The following DTX3 variants were observed in gnomAD, a reference collection of about 807,000 sequenced individuals.
DTX3 encodes the protein deltex E3 ubiquitin ligase 3, also known as E3 ubiquitin-protein ligase DTX3.
A neutral mutation model predicts 27.4 loss-of-function variants in DTX3; 10 were observed. That is an observed-to-expected ratio of 0.36 (90% CI 0.22 to 0.62). The LOEUF is 0.62. DTX3 is among the 20% of genes least tolerant of loss of function. The pLI, the probability that DTX3 is intolerant of heterozygous loss-of-function variation, is 0.68. For missense variants in DTX3, 319 were observed against 463.8 expected, an observed-to-expected ratio of 0.69 and a Z score of 2.87; for synonymous variants, 171 against 190.7, an observed-to-expected ratio of 0.90 and a Z score of 0.85.
rs1883822615 is a variant in DTX3 at position 57,608,044 on chromosome 12, C to A, written c.750+431C>A. Among the ~76,000 whole-genome samples the A allele has an allele frequency of 6.6e-6, 1 of 152,138 alleles. No individual in the cohort carries two copies. The highest frequency in any genetic ancestry group is 2.4e-5 in the African/African-American group (1 of 41,420). On this transcript the variant is annotated intron_variant, in intron 5 of 6. Coordinates refer to ENST00000337737, the MANE Select transcript of DTX3 (RefSeq NM_178502.4). This position sits in a 1 kb window ranked among gnomAD's most constrained non-coding sequence, Gnocchi z 6.1. The stretch of plus-strand genomic sequence containing the variant: ...AGTAGTCAAGGCCTATAGGTGTCTT[C>A]CTGCTGGACAAAGAGTAATGTGCAA...
At position 57,607,361 on chromosome 12, in the gene DTX3, C is replaced by G; in HGVS notation, c.498C>G (p.Ile166Met). The G allele has an allele frequency of 1.2e-6, 2 of 1,612,516 alleles. No homozygotes were observed. The highest frequency in any genetic ancestry group is 1.7e-6 in the Non-Finnish European group (2 of 1,179,248). ...AAGAGCAGGAGAGCACCTGCCCCATCTGTCTGGGGGAGATCCAGAATGCCA... is the reference window on the plus strand; with the variant it reads ...AAGAGCAGGAGAGCACCTGCCCCATGTGTCTGGGGGAGATCCAGAATGCCA... Reference protein sequence around the residue: ...EAEEQESTCPICLGEIQNAKT... With the variant: ...EAEEQESTCPMCLGEIQNAKT... Residue 166 changes from isoleucine (I) to methionine (M), a missense_variant, in exon 5 of 7, where the codon ATC becomes ATG. This residue lies in a region of DTX3 where 117 missense variants were observed against 258.5 expected (regional missense o/e 0.45). Transcript: ENST00000337737. This position sits in a 1 kb window ranked among gnomAD's most constrained non-coding sequence, Gnocchi z 7.7.
rs771121702 is a variant in DTX3, at chr12:57,608,593, G to T, written c.824G>T (p.Gly275Val). 1 of 1,614,128 alleles carries T rather than the reference G, an allele frequency of 6.2e-7. No homozygotes were observed. Among genetic ancestry groups the T allele is most frequent in the Non-Finnish European group, 8.5e-7 (1 of 1,179,988 alleles). The change falls in exon 6 of 7, where the codon GGC becomes GTC. Residue 275 changes from glycine (G) to valine (V), a missense_variant. Gly to Val is a moderately radical substitution (Grantham distance 109). Around this residue, in one of 2 missense-constraint regions of DTX3, gnomAD observed 117 missense variants for 258.5 expected, o/e 0.45. Coordinates refer to ENST00000337737, the MANE Select transcript of DTX3 (RefSeq NM_178502.4). This position sits in a 1 kb window ranked among gnomAD's most constrained non-coding sequence, Gnocchi z 6.1. ...RVAYLPDCPEGNKVLTLFRKA... is the reference protein window; with the variant it reads ...RVAYLPDCPEVNKVLTLFRKA... Reference sequence around the variant, plus strand: ...GCCTACCTCCCGGACTGCCCTGAGGGCAACAAGGTGCTGACCCTGTTCCGC... The same window carrying T: ...GCCTACCTCCCGGACTGCCCTGAGGTCAACAAGGTGCTGACCCTGTTCCGC...
Position 57,609,286 on chromosome 12 carries a change from G to C in DTX3, c.*134G>C, listed in dbSNP as rs1206464346. 1 of 773,284 alleles carries C rather than the reference G, an allele frequency of 1.3e-6. No homozygotes were observed. Among genetic ancestry groups the C allele is most frequent in the African/African-American group, 1.7e-5 (1 of 57,986 alleles). The allele number at this position is 773,284 out of a possible 1,614,324, so 47.9% of individuals were successfully genotyped here. A position where few individuals can be genotyped will look rare whatever the true frequency, so the allele number is the denominator to read the frequency against. ...TGTCTGACTGGGAAGGGAGTTCCGAGAGGGAGGGGGCAATCCCTTCCCCCA... is the reference window on the plus strand; with the variant it reads ...TGTCTGACTGGGAAGGGAGTTCCGACAGGGAGGGGGCAATCCCTTCCCCCA... On this transcript the variant is annotated 3_prime_UTR_variant, in exon 7 of 7. Transcript: ENST00000337737.
chr12:57,608,872 T>G lies in DTX3; in HGVS notation c.968+135T>G, dbSNP rs1324815720. On this transcript the variant is annotated intron_variant, in intron 6 of 6. Transcript: ENST00000337737. This position sits in a 1 kb window ranked among gnomAD's most constrained non-coding sequence, Gnocchi z 6.1. The stretch of plus-strand genomic sequence containing the variant: ...TTCCAAACTGTTCAGCCATCTCAGT[T>G]TCTCCTACATTCAACCTGGTCCTGG... 4 of 1,173,478 alleles carry G rather than the reference T, an allele frequency of 3.4e-6. No homozygotes were observed. Among genetic ancestry groups the G allele is most frequent in the Non-Finnish European group, 5.0e-6 (4 of 805,602 alleles). 72.7% of individuals were successfully genotyped at this position (1,173,478 alleles called of 1,614,324 possible).
In DTX3 at chr12:57,606,627, G is replaced by T. The variant is rs894058351; in HGVS notation, c.1+109G>T. 3.4e-6 allele frequency: 5 copies of T among 1,481,640 alleles called. No individual in the cohort carries two copies. The African/African-American group carries it at 5.6e-5, about 17-fold the overall frequency. The allele number at this position is 1,481,640 out of a possible 1,614,324, so 91.8% of individuals were successfully genotyped here. A position where few individuals can be genotyped will look rare whatever the true frequency, so the allele number is the denominator to read the frequency against. On this transcript the variant is annotated intron_variant, in intron 4 of 6. Coordinates refer to ENST00000337737, the MANE Select transcript of DTX3 (RefSeq NM_178502.4). ...CTATGATCTGGGAGAAATGACAGGA[G>T]AAACAAGACTGATACTTGGCTTAGA... is the stretch of plus-strand genomic sequence containing the variant.
rs1883776813 is a variant in DTX3, at chr12:57,607,280, C to G, written c.417C>G (p.Pro139=). 8.9e-6 allele frequency: 14 copies of G among 1,567,308 alleles called. No individual in the cohort carries two copies. Among genetic ancestry groups the G allele is most frequent in the African/African-American group, 1.4e-5 (1 of 73,742 alleles). Residue 139 remains proline (P), a synonymous_variant, in exon 5 of 7, where the codon CCC becomes CCG. Coordinates refer to ENST00000337737, the MANE Select transcript of DTX3 (RefSeq NM_178502.4). This position sits in a 1 kb window ranked among gnomAD's most constrained non-coding sequence, Gnocchi z 7.7. ...PLLPPGARGL[P]PPPPPLPPPL... is the part of the protein sequence containing the mutation. ...TGCCCCCAGGAGCTCGGGGGCTCCC[C>G]CCTCCTCCTCCCCCCCTGCCCCCAC...
rs772990959 is a variant in DTX3, at chr12:57,607,032, A to C, written c.169A>C (p.Ile57Leu). The stretch of plus-strand genomic sequence containing the variant: ...CCTCATAGATGGCGAGACTTCTGAC[A>C]TCTATGTTCTCCAGCTTTCCCCACA... Reference protein sequence around the residue: ...SILIDGETSDIYVLQLSPQGP... With the variant: ...SILIDGETSDLYVLQLSPQGP... The change falls in exon 5 of 7, where the codon ATC becomes CTC. Residue 57 changes from isoleucine (I) to leucine (L), a missense_variant. By Grantham distance (5) the Ile-to-Leu change is conservative (BLOSUM62 2). Around this residue, in one of 2 missense-constraint regions of DTX3, gnomAD observed 202 missense variants for 205.3 expected, o/e 0.98. Transcript: ENST00000337737. This position sits in a 1 kb window ranked among gnomAD's most constrained non-coding sequence, Gnocchi z 7.7. 1 of 1,614,170 alleles carries C rather than the reference A, an allele frequency of 6.2e-7. No individual in the cohort carries two copies. Among genetic ancestry groups the C allele is most frequent in the South Asian group, 1.1e-5 (1 of 91,084 alleles).
At position 57,607,727 on chromosome 12, in the gene DTX3, C is replaced by T; in HGVS notation, c.750+114C>T. 7.1e-7 allele frequency: 1 copy of T among 1,400,156 alleles called. No homozygotes were observed. The highest frequency in any genetic ancestry group is 9.9e-7 in the Non-Finnish European group (1 of 1,005,046). 86.7% of individuals were successfully genotyped at this position (1,400,156 alleles called of 1,614,324 possible). ...TGTGAGACAGTCTTGCTGTCTTCCA[C>T]TGTGCCCTCCTACTCAGTGCCCTGG... is the stretch of plus-strand genomic sequence containing the variant. On this transcript the variant is annotated intron_variant, in intron 5 of 6. Coordinates refer to ENST00000337737, the MANE Select transcript of DTX3 (RefSeq NM_178502.4). The surrounding 1 kb of genome is among the most constrained non-coding windows in gnomAD (Gnocchi z 7.7).
In DTX3 at chr12:57,606,959, G is replaced by C. The variant is rs375320539; in HGVS notation, c.96G>C (p.Glu32Asp). Residue 32 changes from glutamate to aspartate, a missense_variant, in exon 5 of 7, where the codon GAG (glutamate) becomes GAC (aspartate). Physicochemically the swap from Glu to Asp is conservative, Grantham distance 45. Coordinates refer to ENST00000337737, the MANE Select transcript of DTX3 (RefSeq NM_178502.4). ...SKPVWDFLSK[E>D]TPARLARLRE... ...CCGTGTGGGACTTCCTGAGCAAAGA[G>C]ACCCCAGCCCGGCTGGCCCGGCTTC... 56 of 1,614,224 alleles carry C rather than the reference G, an allele frequency of 3.5e-5. No homozygotes were observed. Among genetic ancestry groups the C allele is most frequent in the Non-Finnish European group, 4.7e-5 (56 of 1,180,050 alleles).
Position 57,609,350 on chromosome 12 carries a change from C to T in DTX3, c.*198C>T. 1 of 595,888 alleles carries T rather than the reference C, an allele frequency of 1.7e-6. No individual in the cohort carries two copies. The highest frequency in any genetic ancestry group is 3.0e-6 in the Non-Finnish European group (1 of 333,310). 36.9% of individuals were successfully genotyped at this position (595,888 alleles called of 1,614,324 possible). A position where few individuals can be genotyped will look rare whatever the true frequency, so the allele number is the denominator to read the frequency against. On this transcript the variant is annotated 3_prime_UTR_variant, in exon 7 of 7. Coordinates refer to ENST00000337737, the MANE Select transcript of DTX3 (RefSeq NM_178502.4). ...AAGTGTTTCAATGCAGTGTGAGCCA[C>T]TCCCTTCTGGCAGAGGCCGACCTCC...
In DTX3 at chr12:57,607,317, C is replaced by A; in HGVS notation, c.454C>A (p.Arg152Ser). ...CCCCCTGCCCCCACCTCTTCCTCCT[C>A]GCCTTCGGGAGGAGGCAGAAGAGCA... ...PPPLPPPLPP[R>S]LREEAEEQES... The change falls in exon 5 of 7, where the codon CGC (arginine) becomes AGC (serine). Residue 152 changes from arginine (R) to serine (S), a missense_variant. Physicochemically the swap from Arg to Ser is moderately radical, Grantham distance 110. This residue lies in a region of DTX3 where 202 missense variants were observed against 205.3 expected (regional missense o/e 0.98). Transcript: ENST00000337737. The surrounding 1 kb of genome is among the most constrained non-coding windows in gnomAD (Gnocchi z 7.7). The A allele has an allele frequency of 6.3e-7, 1 of 1,595,440 alleles. No homozygotes were observed. The highest frequency in any genetic ancestry group is 8.5e-7 in the Non-Finnish European group (1 of 1,170,612).
Position 57,609,092 on chromosome 12 carries a change from C to T in DTX3, c.984C>T (p.Asp328=), listed in dbSNP as rs1883895118. Residue 328 remains aspartate (D), a synonymous_variant, in exon 7 of 7, where the codon GAC becomes GAT. Transcript: ENST00000337737. The part of the protein sequence containing the change: ...TGGPQLFGYP[D]PTYLTRVQEE... ...TTGCTCCCAGGTTTGGGTACCCAGA[C>T]CCCACCTACCTGACCCGGGTGCAAG... The T allele has an allele frequency of 4.3e-6, 7 of 1,614,016 alleles. No homozygotes were observed. The highest frequency in any genetic ancestry group is 5.9e-6 in the Non-Finnish European group (7 of 1,180,010).
rs1288301311 is a variant in DTX3 at position 57,607,431 on chromosome 12, A to G, written c.568A>G (p.Thr190Ala). 6.2e-7 allele frequency: 1 copy of G among 1,614,032 alleles called. No homozygotes were observed. The highest frequency in any genetic ancestry group is 1.1e-5 in the South Asian group (1 of 91,078). Residue 190 changes from threonine (T) to alanine (A), a missense_variant, in exon 5 of 7, where the codon ACC (threonine) becomes GCC (alanine). Coordinates refer to ENST00000337737, the MANE Select transcript of DTX3 (RefSeq NM_178502.4). This position sits in a 1 kb window ranked among gnomAD's most constrained non-coding sequence, Gnocchi z 7.7. ...GCATTCATTCTGCGAGGGCTGCATCACCCGGGCTCTGCAGGTGAAAAAGGC... is the reference window on the plus strand; with the variant it reads ...GCATTCATTCTGCGAGGGCTGCATCGCCCGGGCTCTGCAGGTGAAAAAGGC... ...CRHSFCEGCI[T>A]RALQVKKACP...
Position 57,608,583 on chromosome 12 carries a change from T to A in DTX3, c.814T>A (p.Cys272Ser). 6.2e-7 allele frequency: 1 copy of A among 1,613,940 alleles called. No individual in the cohort carries two copies. The highest frequency in any genetic ancestry group is 1.1e-5 in the South Asian group (1 of 91,078). The change falls in exon 6 of 7, where the codon TGC becomes AGC. Residue 272 changes from cysteine (C) to serine (S), a missense_variant. Physicochemically the swap from Cys to Ser is moderately radical, Grantham distance 112. Around this residue, in one of 2 missense-constraint regions of DTX3, gnomAD observed 117 missense variants for 258.5 expected, o/e 0.45. Coordinates refer to ENST00000337737, the MANE Select transcript of DTX3 (RefSeq NM_178502.4). This position sits in a 1 kb window ranked among gnomAD's most constrained non-coding sequence, Gnocchi z 6.1. ...GTTRVAYLPD[C>S]PEGNKVLTLF... ...CACACGGGTGGCCTACCTCCCGGACTGCCCTGAGGGCAACAAGGTGCTGAC... is the reference window on the plus strand; with the variant it reads ...CACACGGGTGGCCTACCTCCCGGACAGCCCTGAGGGCAACAAGGTGCTGAC...
At position 57,608,974 on chromosome 12, in the gene DTX3, G is replaced by A; in HGVS notation, c.969-103G>A. ...GATTTGGAGGTGTCCTCCCTTAGGG[G>A]AGGTGGGGAGGTGTCTGAGCCACCT... On this transcript the variant is annotated intron_variant, in intron 6 of 6. Transcript: ENST00000337737. The surrounding 1 kb of genome is among the most constrained non-coding windows in gnomAD (Gnocchi z 6.1). 3 of 1,153,806 alleles carry A rather than the reference G, an allele frequency of 2.6e-6. No homozygotes were observed. Among genetic ancestry groups the A allele is most frequent in the Non-Finnish European group, 3.9e-6 (3 of 778,918 alleles). 71.5% of individuals were successfully genotyped at this position (1,153,806 alleles called of 1,614,324 possible).
intron 3 of DTX3, 51 bp from the exon 4 acceptor site, chr12:57,606,392 G>A: frequency 6.8e-7 from 1 of 1,460,324 alleles, no homozygotes; most frequent in Non-Finnish European, 9.4e-7. Context: ...GGGGCCATGG[G>A]AATTGGGAGA....
Position 57,607,313 on chromosome 12 carries a change from TCCTC to T in DTX3, c.451_454del (p.Pro151AlafsTer44). 8.2e-7 allele frequency: 1 copy of T among 1,215,734 alleles called. No individual in the cohort carries two copies. Among genetic ancestry groups the T allele is most frequent in the Non-Finnish European group, 1.1e-6 (1 of 899,200 alleles). 75.3% of individuals were successfully genotyped at this position (1,215,734 alleles called of 1,614,324 possible). A position where few individuals can be genotyped will look rare whatever the true frequency, so the allele number is the denominator to read the frequency against. ...CTCCCCCCCTGCCCCCACCTCTTCC[TCCTC>T]GCCTTCGGGAGGAGGCAGAAGAGCA... On this transcript the variant is annotated frameshift_variant, in exon 5 of 7. Transcript: ENST00000337737. LOFTEE classifies it high-confidence loss of function. The surrounding 1 kb of genome is among the most constrained non-coding windows in gnomAD (Gnocchi z 7.7).
chr12:57,609,324 C>T lies in DTX3; in HGVS notation c.*172C>T. 7.8e-6 allele frequency: 5 copies of T among 638,002 alleles called. No homozygotes were observed. The highest frequency in any genetic ancestry group is 3.6e-5 in the South Asian group (2 of 54,986). 39.5% of individuals were successfully genotyped at this position (638,002 alleles called of 1,614,324 possible). A position where few individuals can be genotyped will look rare whatever the true frequency, so the allele number is the denominator to read the frequency against. Reference sequence around the variant, plus strand: ...ATCCCTTCCCCCATCCCCCACTGGCCAAGTGTTTCAATGCAGTGTGAGCCA... The same window carrying T: ...ATCCCTTCCCCCATCCCCCACTGGCTAAGTGTTTCAATGCAGTGTGAGCCA... On this transcript the variant is annotated 3_prime_UTR_variant, in exon 7 of 7. Transcript: ENST00000337737.
chr12:57,607,115 G>A lies in DTX3; in HGVS notation c.252G>A (p.Gly84=). Reference sequence around the variant, plus strand: ...ACCTAGCCCGGAAGGCTCTCAAGGGGCTGCTAAAAGAGGCAGAGAAAGAGC... The same window carrying A: ...ACCTAGCCCGGAAGGCTCTCAAGGGACTGCTAAAAGAGGCAGAGAAAGAGC... ...GLYLARKALK[G]LLKEAEKELK... The change falls in exon 5 of 7, where the codon GGG becomes GGA. Residue 84 remains glycine, a synonymous_variant. Coordinates refer to ENST00000337737, the MANE Select transcript of DTX3 (RefSeq NM_178502.4). This position sits in a 1 kb window ranked among gnomAD's most constrained non-coding sequence, Gnocchi z 7.7. 6.2e-7 allele frequency: 1 copy of A among 1,614,218 alleles called. No homozygotes were observed. The highest frequency in any genetic ancestry group is 8.5e-7 in the Non-Finnish European group (1 of 1,180,040).
Sources: gnomAD v4.1 joint callset for allele counts (sites outside exome capture counted in the v4.1 genomes callset) on GRCh38, gnomAD v4.1.1 for gene constraint, gnomAD v4.1.1 regional missense constraint, Gnocchi (gnomAD v3.1) non-coding constraint, MANE v1.5 for transcripts, NCBI Gene and HGNC (gene_info 2026-07-23, HGNC 2026-07-21) for gene names.